HACD2: variants seen among roughly 807,000 people sequenced by gnomAD.
HACD2 encodes 3-hydroxyacyl-CoA dehydratase 2.
A neutral mutation model predicts 31.0 loss-of-function variants in HACD2; 15 were observed. The ratio of observed to expected loss-of-function variants is 0.48; its 90% CI spans 0.32 to 0.75. The LOEUF (loss-of-function observed/expected upper bound fraction) is 0.75, where lower values mean the gene tolerates loss of function less well. Among genes scored for constraint, HACD2 ranks in the 30% least tolerant of loss-of-function variants. The pLI is 0.03. For missense variants in HACD2, 283 were observed against 313.0 expected (o/e 0.90, Z 0.72); for synonymous variants, 115 against 122.2 (o/e 0.94, Z 0.39).
chr3:123,560,671 G>A (rs1055168109), intron 3 of HACD2, among the ~76,000 whole-genome samples: 3 of 152,182 alleles, frequency 2.0e-5, no homozygotes, highest in African/African-American at 7.2e-5. Flanking sequence ...TAGAAGCTGC[G>A]CCAGCCCCCA....
chr3:123,518,566 T>C (rs913826320), intron 4 of HACD2, among the ~76,000 whole-genome samples: 1 of 152,224 alleles, frequency 6.6e-6, no homozygotes, highest in Non-Finnish European at 1.5e-5. Context: ...TTTTTACACT[T>C]GAGGCTCTGA....
chr3:123,537,353 G>A (rs2056438467), intron 3 of HACD2, among the ~76,000 whole-genome samples: 1 of 152,172 alleles, frequency 6.6e-6, no homozygotes, highest in South Asian at 2.1e-4. Flanking sequence ...AATCACTTGA[G>A]TCCAGGTGTT....
chr3:123,507,333 GA>G (rs1335274715), intron 4 of HACD2, among the ~76,000 whole-genome samples: 6 of 152,266 alleles, frequency 3.9e-5, no homozygotes, highest in Middle Eastern at 3.4e-3. Flanking sequence ...AGTCATAACT[GA>G]AAAGTGAAAA....
Position 123,563,644 on chromosome 3 carries a change from TACACACAC to T in HACD2, c.292+4110_292+4117del, listed in dbSNP as rs58761061. 3.3e-3 allele frequency among the ~76,000 whole-genome samples: 374 copies of T among 112,064 alleles called. 4 individuals carry two copies. The highest frequency in any genetic ancestry group is 0.013 in the African/African-American group (308 of 23,942). The allele number at this position is 112,064 out of a possible 152,430, so 73.5% of individuals were successfully genotyped here. A position where few individuals can be genotyped will look rare whatever the true frequency, so the allele number is the denominator to read the frequency against. On this transcript the variant is annotated intron_variant, in intron 3 of 6. Transcript: ENST00000383657. ...TTTTGAATTGACAAAAAAATATATA[TACACACAC>T]ACACACACACACACACACACACACA...
chr3:123,542,791 A>G (rs1485494414), intron 3 of HACD2, among the ~76,000 whole-genome samples: 2 of 152,270 alleles, frequency 1.3e-5, no homozygotes, highest in African/African-American at 4.8e-5. Context: ...ATCAGAAAGC[A>G]GAACATTATT....
chr3:123,559,312 G>A (rs2056703258), intron 3 of HACD2, among the ~76,000 whole-genome samples: 1 of 152,146 alleles, frequency 6.6e-6, no homozygotes, highest in Non-Finnish European at 1.5e-5. Flanking sequence ...TCTCAATTCT[G>A]TATTCTGATG....
At chr3:123,529,812 TAACA>T (rs1302693213) in intron 3 of HACD2, among the ~76,000 whole-genome samples, 5 of 152,288 alleles carry the variant, frequency 3.3e-5, no homozygotes, top group African/African-American at 1.2e-4. Flanking sequence ...GTAATACAGC[TAACA>T]GAGCTAATTA....
chr3:123,523,828 C>T (rs1004731854), intron 4 of HACD2, among the ~76,000 whole-genome samples: 3 of 152,220 alleles, frequency 2.0e-5, no homozygotes, highest in East Asian at 1.9e-4. Flanking sequence ...CCAGCAACTC[C>T]ACCCCAGTGT....
At chr3:123,566,598 T>A (rs1014777386) in intron 3 of HACD2, among the ~76,000 whole-genome samples, 1 of 138,374 alleles carries the variant, frequency 7.2e-6, no homozygotes, top group Non-Finnish European at 1.6e-5. Context: ...GTGCAATTCT[T>A]TATAATAAGG....
chr3:123,503,703 T>C (rs1213867002), intron 4 of HACD2, among the ~76,000 whole-genome samples: 1 of 119,434 alleles, frequency 8.4e-6, no homozygotes, highest in Non-Finnish European at 1.6e-5. Flanking sequence ...TTAGTTTCCA[T>C]GCATCAAAAA....
chr3:123,512,847 GTGTATA>G (rs1385993868), intron 4 of HACD2, among the ~76,000 whole-genome samples: 3 of 152,178 alleles, frequency 2.0e-5, no homozygotes, highest in Non-Finnish European at 4.4e-5. Flanking sequence ...GTGTGTATGT[GTGTATA>G]TGTATATGTA....
At chr3:123,495,722 T>C (rs1003544386) in intron 6 of HACD2, among the ~76,000 whole-genome samples, 2 of 152,188 alleles carry the variant, frequency 1.3e-5, no homozygotes, top group African/African-American at 4.8e-5. Flanking sequence ...GGGATAGTAC[T>C]GCCTCCCTCG....
rs76121700 is a variant in HACD2, at chr3:123,581,451, T to C, written c.273+761A>G. ...GCCAACCAGAATCCTCTCTGGGAACTGTGTGACACAGATGCTGCGAAAAAT... is the reference window on the plus strand; with the variant it reads ...GCCAACCAGAATCCTCTCTGGGAACCGTGTGACACAGATGCTGCGAAAAAT... On this transcript the variant is annotated intron_variant, in intron 2 of 6. Transcript: ENST00000383657. 5.4e-3 allele frequency among the ~76,000 whole-genome samples: 829 copies of C among 152,268 alleles called. 9 individuals are homozygous for C. The highest frequency in any genetic ancestry group is 0.019 in the African/African-American group (795 of 41,550).
intron 4 of HACD2, among the ~76,000 whole-genome samples, chr3:123,510,163 A>C (rs1411835371): frequency 6.6e-6 from 1 of 152,132 alleles, no homozygotes; most frequent in Non-Finnish European, 1.5e-5. Context: ...TCTTCCCCTC[A>C]CCGCCCCCAG....
rs1164199078 is a variant in HACD2 at position 123,492,326 on chromosome 3, C to A, written c.*2562G>T. On this transcript the variant is annotated 3_prime_UTR_variant, in exon 7 of 7. Transcript: ENST00000383657. ...CCTTTGACTATGCCCTGAAATGAAACCTCTAAGTCTGACAAAATACCCACA... is the reference window on the plus strand; with the variant it reads ...CCTTTGACTATGCCCTGAAATGAAAACTCTAAGTCTGACAAAATACCCACA... The A allele has an allele frequency of 6.6e-6, 1 of 152,124 alleles. No individual in the cohort carries two copies. The highest frequency in any genetic ancestry group is 1.9e-4 in the East Asian group (1 of 5,200). 9.4% of individuals were successfully genotyped at this position (152,124 alleles called of 1,614,324 possible).
At chr3:123,522,332 CAAAA>C (rs34478912) in intron 4 of HACD2, among the ~76,000 whole-genome samples, 3 of 116,900 alleles carry the variant, frequency 2.6e-5, no homozygotes, top group East Asian at 2.5e-4. Flanking sequence ...TGTCTCCAAA[CAAAA>C]AAAAAAAAAA....
At chr3:123,507,229 T>C (rs1386338416) in intron 4 of HACD2, among the ~76,000 whole-genome samples, 11 of 152,194 alleles carry the variant, frequency 7.2e-5, no homozygotes, top group Non-Finnish European at 1.5e-5. Flanking sequence ...CACTCCAGCC[T>C]GGGTGACGAG....
In HACD2 at chr3:123,493,724, T is replaced by C. The variant is rs1358977844; in HGVS notation, c.*1164A>G. Reference sequence around the variant, plus strand: ...TGTGACATGGATTAGACAATGTCGGTAGTACCAAACTATTTCTTGGCTGCT... The same window carrying C: ...TGTGACATGGATTAGACAATGTCGGCAGTACCAAACTATTTCTTGGCTGCT... On this transcript the variant is annotated 3_prime_UTR_variant, in exon 7 of 7. Coordinates refer to ENST00000383657, the MANE Select transcript of HACD2 (RefSeq NM_198402.5). The C allele has an allele frequency of 1.3e-5, 2 of 152,212 alleles. No individual in the cohort carries two copies. The highest frequency in any genetic ancestry group is 4.8e-5 in the African/African-American group (2 of 41,450). The allele number at this position is 152,212 out of a possible 1,614,324, so 9.4% of individuals were successfully genotyped here. A position where few individuals can be genotyped will look rare whatever the true frequency, so the allele number is the denominator to read the frequency against.
chr3:123,560,601 T>C (rs1177058848), intron 3 of HACD2, among the ~76,000 whole-genome samples: 1 of 152,116 alleles, frequency 6.6e-6, no homozygotes, highest in Non-Finnish European at 1.5e-5. Flanking sequence ...GAATAAGAAA[T>C]GTTTGTTATC....
Sources: allele counts gnomAD v4.1 joint callset (sites outside exome capture counted in the v4.1 genomes callset), GRCh38; gene constraint gnomAD v4.1.1; transcripts MANE v1.5; gene names NCBI Gene and HGNC (gene_info 2026-07-23, HGNC 2026-07-21).